HTR4: variants seen among roughly 807,000 people sequenced by gnomAD.
HTR4 encodes the protein 5-hydroxytryptamine (serotonin) receptor 4, G protein-coupled.
Under a neutral mutation model 36.8 loss-of-function variants are expected in HTR4, and 16 were observed. The observed-to-expected ratio is 0.43, with a 90% CI of 0.29 to 0.66. The LOEUF is 0.66. Ranked by LOEUF, HTR4 falls within the 30% of genes least tolerant of loss-of-function variation. The pLI is 0.13. For synonymous variants in HTR4, 189 were observed against 185.1 expected, an observed-to-expected ratio of 1.02 and a Z score of -0.17; for missense variants, 438 against 490.9, an observed-to-expected ratio of 0.89 and a Z score of 1.02.
At chr5:148,508,796 G>A (rs780694543) in intron 6 of HTR4, among the ~76,000 whole-genome samples, 5 of 151,160 alleles carry the variant, frequency 3.3e-5, no homozygotes, top group Non-Finnish European at 7.4e-5. Flanking sequence ...TATTACTATT[G>A]GTCCTAATAT....
At chr5:148,460,291 GA>G (rs1755241065) in intron 5 of HTR4, among the ~76,000 whole-genome samples, 1 of 152,048 alleles carries the variant, frequency 6.6e-6, no homozygotes, top group African/African-American at 2.4e-5. Context: ...ATAGATCCAG[GA>G]AGCTCAGAGA....
At chr5:148,505,862 C>G (rs557774788) in intron 6 of HTR4, among the ~76,000 whole-genome samples, 1 of 151,938 alleles carries the variant, frequency 6.6e-6, no homozygotes, top group Admixed American at 6.6e-5. Context: ...CACTGCTCAA[C>G]GAAATAAAAG....
intron 6 of HTR4, among the ~76,000 whole-genome samples, chr5:148,502,123 C>T (rs879455748): frequency 6.6e-6 from 1 of 151,932 alleles, no homozygotes; most frequent in South Asian, 2.1e-4. Context: ...CTTAAATGTC[C>T]CTGTCTGACA....
intron 2 of HTR4, among the ~76,000 whole-genome samples, chr5:148,561,862 A>G (rs1760228404): frequency 6.6e-6 from 1 of 152,198 alleles, no homozygotes; most frequent in Admixed American, 6.5e-5. Flanking sequence ...GGACTTTCCC[A>G]TACTCTGATA....
intron 1 of HTR4, among the ~76,000 whole-genome samples, chr5:148,641,569 C>T (rs1424449611): frequency 6.6e-6 from 1 of 152,198 alleles, no homozygotes; most frequent in East Asian, 1.9e-4. Flanking sequence ...ACTGGAATTA[C>T]TCAAAACATT....
At chr5:148,537,944 C>T (rs574741721) in intron 4 of HTR4, among the ~76,000 whole-genome samples, 1 of 152,164 alleles carries the variant, frequency 6.6e-6, no homozygotes, top group South Asian at 2.1e-4. Context: ...GAAGTCAGGC[C>T]AGTATCCTTA....
At chr5:148,587,931 C>T (rs1267233961) in intron 2 of HTR4, among the ~76,000 whole-genome samples, 3 of 152,170 alleles carry the variant, frequency 2.0e-5, no homozygotes, top group Non-Finnish European at 4.4e-5. Context: ...CTCTTGCACC[C>T]TCGTACTTCC....
At chr5:148,469,925 C>G (rs1043583928) in intron 5 of HTR4, among the ~76,000 whole-genome samples, 2 of 152,196 alleles carry the variant, frequency 1.3e-5, no homozygotes, top group Non-Finnish European at 2.9e-5. Context: ...TCTAACTCTT[C>G]ATTTCTCCAA....
intron 2 of HTR4, among the ~76,000 whole-genome samples, chr5:148,584,053 A>T (rs998897199): frequency 6.6e-6 from 1 of 152,132 alleles, no homozygotes; most frequent in African/African-American, 2.4e-5. Flanking sequence ...ACCCCATCTT[A>T]CCCAACTTTT....
chr5:148,481,387 G>A, downstream of HTR4: 2 of 625,104 alleles, frequency 3.2e-6, no homozygotes, highest in Non-Finnish European at 2.8e-6. Context: ...CATTGATCAG[G>A]GAGAATCCCA....
At chr5:148,523,062 T>G in intron 5 of HTR4, 131 bp downstream of exon 5, 1 of 714,648 alleles carries the variant, frequency 1.4e-6, no homozygotes, top group Non-Finnish European at 2.1e-6. Context: ...GTGTTAGCTT[T>G]AAAAAAAAAA....
intron 1 of HTR4, among the ~76,000 whole-genome samples, chr5:148,653,692 C>CACTT (rs1390858838): frequency 9.9e-5 from 15 of 152,090 alleles, no homozygotes; most frequent in African/African-American, 3.6e-4. Context: ...TCCAGTTACA[C>CACTT]ACTTGGCTAT....
chr5:148,556,128 A>G (rs1256159865), intron 2 of HTR4, among the ~76,000 whole-genome samples: 4 of 152,146 alleles, frequency 2.6e-5, no homozygotes, highest in Non-Finnish European at 4.4e-5. Context: ...GGTTCAAGTG[A>G]TTCTCCTGCC....
At chr5:148,475,624 A>G (rs1167370519), downstream of HTR4, among the ~76,000 whole-genome samples, 1 of 152,184 alleles carries the variant, frequency 6.6e-6, no homozygotes, top group Non-Finnish European at 1.5e-5. Context: ...TTGCCTTCTC[A>G]GATTAGACAA....
chr5:148,536,434 G>C (rs1758827960), intron 4 of HTR4, among the ~76,000 whole-genome samples: 1 of 151,834 alleles, frequency 6.6e-6, no homozygotes, highest in African/African-American at 2.4e-5. Flanking sequence ...AAAAGTCACA[G>C]AGTGGCAAGC....
intron 6 of HTR4, among the ~76,000 whole-genome samples, chr5:148,493,868 G>T (rs1413423508): frequency 6.6e-6 from 1 of 152,130 alleles, no homozygotes; most frequent in East Asian, 1.9e-4. Context: ...GTCTGTTTTG[G>T]CTCAAAACAA....
Position 148,482,976 on chromosome 5 carries a change from T to C in HTR4, c.*227A>G. On this transcript the variant is annotated 3_prime_UTR_variant, in exon 7 of 7. Transcript: ENST00000377888. ...AAGCAGAGAATCTGGGAAGAGGGAG[T>C]GTTGGGAAATAAAAAGTGAACAAGG... 7.3e-7 allele frequency: 1 copy of C among 1,376,148 alleles called. No homozygotes were observed. The highest frequency in any genetic ancestry group is 9.4e-7 in the Non-Finnish European group (1 of 1,061,822). The allele number at this position is 1,376,148 out of a possible 1,614,324, so 85.2% of individuals were successfully genotyped here.
chr5:148,477,413 G>A (rs909327086), downstream of HTR4, among the ~76,000 whole-genome samples: 1 of 152,114 alleles, frequency 6.6e-6, no homozygotes, highest in Non-Finnish European at 1.5e-5. Flanking sequence ...AGGGGCAAAG[G>A]GGAAAAGTGC....
Position 148,503,485 on chromosome 5 carries a change from T to G in HTR4, c.1076+5971A>C, listed in dbSNP as rs374209736. Among the ~76,000 whole-genome samples the G allele has an allele frequency of 2.1e-4, 32 of 152,246 alleles. No individual in the cohort carries two copies. The South Asian group carries it at 6.4e-3, about 31-fold the overall frequency. On this transcript the variant is annotated intron_variant, in intron 6 of 6. Transcript: ENST00000377888. ...CCAGGCCAGCCCTAAAAGAGCTCCT[T>G]AAGGAAGCACTAAACATGGAAAGGA...
Sources: gnomAD v4.1 joint callset for allele counts (sites outside exome capture counted in the v4.1 genomes callset) on GRCh38, gnomAD v4.1.1 for gene constraint, MANE v1.5 for transcripts, NCBI Gene and HGNC (gene_info 2026-07-23, HGNC 2026-07-21) for gene names.